Variants in CEP85 observed in about 807,000 individuals in gnomAD.
CEP85 encodes centrosomal protein 85, also known as centrosomal protein of 85 kDa.
In CEP85, 58 loss-of-function variants were observed where a neutral mutation model predicts 93.7. The ratio of observed to expected loss-of-function variants is 0.62; its 90% CI spans 0.50 to 0.77. The LOEUF is 0.77. Ranked by LOEUF, CEP85 falls within the 30% of genes least tolerant of loss-of-function variation. The pLI is 0.00. For synonymous variants in CEP85, 314 were observed against 338.6 expected (o/e 0.93, Z 0.80); for missense variants, 868 against 922.0 (o/e 0.94, Z 0.76).
intron 7 of CEP85, among the ~76,000 whole-genome samples, chr1:26,264,413 A>C (rs2089860071): frequency 6.6e-6 from 1 of 152,160 alleles, no homozygotes; most frequent in Non-Finnish European, 1.5e-5. Flanking sequence ...GGTGCCTGTA[A>C]TCCCAGCTAC....
At position 26,255,601 on chromosome 1, in the gene CEP85, C is replaced by T; in HGVS notation, c.639C>T (p.Ser213=). 1 of 1,614,102 alleles carries T rather than the reference C, an allele frequency of 6.2e-7. No homozygotes were observed. The highest frequency in any genetic ancestry group is 8.5e-7 in the Non-Finnish European group (1 of 1,180,022). Residue 213 remains serine (S), a synonymous_variant, in exon 4 of 14, where the codon AGC becomes AGT. Coordinates refer to ENST00000451429, the MANE Select transcript of CEP85 (RefSeq NM_001319944.2). ...TCCGCTTCCACAACCCAAGAACCAG[C>T]ACAAGTAAGGAGTTGTACAGAGTGT... ...HRVRFHNPRT[S]TSKELYRVLP... is the part of the protein sequence containing the mutation.
intron 7 of CEP85, among the ~76,000 whole-genome samples, chr1:26,264,011 G>A (rs1302089871): frequency 6.6e-6 from 1 of 152,160 alleles, no homozygotes; most frequent in Non-Finnish European, 1.5e-5. Context: ...AGGGACGACT[G>A]TATTTCTGAA....
At position 26,275,139 on chromosome 1, in the gene CEP85, A is replaced by C. The variant is rs953659274; in HGVS notation, c.1902+68A>C. On this transcript the variant is annotated intron_variant, in intron 12 of 13. Transcript: ENST00000451429. The stretch of plus-strand genomic sequence containing the variant: ...CCCGATTTCTTTGTTTGCCCTCCCC[A>C]TCTCTACCCCAATAAGAGCCCCAGT... The C allele has an allele frequency of 3.4e-6, 4 of 1,160,902 alleles. No homozygotes were observed. In the African/African-American group the frequency reaches 4.6e-5, roughly 13 times the overall value. The allele number at this position is 1,160,902 out of a possible 1,614,324, so 71.9% of individuals were successfully genotyped here.
intron 3 of CEP85, among the ~76,000 whole-genome samples, chr1:26,250,997 A>G (rs1002022994): frequency 1.7e-5 from 2 of 119,592 alleles, no homozygotes; most frequent in African/African-American, 6.6e-5. Context: ...GCTGGAGTGC[A>G]GTGGTGGGAT....
intron 3 of CEP85, among the ~76,000 whole-genome samples, chr1:26,253,838 T>G (rs2089655888): frequency 6.6e-6 from 1 of 151,686 alleles, no homozygotes; most frequent in Non-Finnish European, 1.5e-5. Context: ...GCCCATGAGT[T>G]CGAGACCAGT....
intron 7 of CEP85, among the ~76,000 whole-genome samples, chr1:26,267,584 A>G (rs2089911575): frequency 6.6e-6 from 1 of 152,168 alleles, no homozygotes; most frequent in Admixed American, 6.5e-5. Context: ...GGTGGGATAC[A>G]ATTCAGGACC....
chr1:26,275,546 T>C (rs1327765317), intron 12 of CEP85, among the ~76,000 whole-genome samples: 2 of 152,222 alleles, frequency 1.3e-5, no homozygotes, highest in African/African-American at 4.8e-5. Context: ...CCCAAAGTGC[T>C]GGGATTACAG....
intron 12 of CEP85, 96 bp downstream of exon 12, chr1:26,275,167 T>G: frequency 1.1e-6 from 1 of 897,128 alleles, no homozygotes; most frequent in East Asian, 2.7e-5. Context: ...GCCCCAGTGT[T>G]TGAAAGGGAA....
At chr1:26,261,362 C>CCCAGCT (rs1223977287) in intron 7 of CEP85, among the ~76,000 whole-genome samples, 4 of 151,886 alleles carry the variant, frequency 2.6e-5, no homozygotes, top group Non-Finnish European at 5.9e-5. Context: ...ATCCCAGCTA[C>CCCAGCT]TCAGGAGGCT....
At chr1:26,246,321 A>G (rs2089508282) in intron 3 of CEP85, among the ~76,000 whole-genome samples, 1 of 152,210 alleles carries the variant, frequency 6.6e-6, no homozygotes, top group African/African-American at 2.4e-5. Context: ...ATTATTCATG[A>G]TAGTCAAAAG....
intron 7 of CEP85, among the ~76,000 whole-genome samples, chr1:26,267,420 T>C (rs2089908717): frequency 6.6e-6 from 1 of 152,060 alleles, no homozygotes; most frequent in Non-Finnish European, 1.5e-5. Context: ...AAAAATTAGC[T>C]GGGCATGGTG....
intron 3 of CEP85, 129 bp from the exon 4 acceptor site, chr1:26,255,042 C>T: frequency 2.6e-6 from 2 of 755,580 alleles, no homozygotes; most frequent in Non-Finnish European, 4.4e-6. Context: ...TTCTTTCTGC[C>T]TGATACTTTT....
chr1:26,275,116 C>T (rs78676122), intron 12 of CEP85, 45 bp downstream of exon 12: 145 of 1,443,904 alleles, frequency 1.0e-4, no homozygotes, highest in Middle Eastern at 1.8e-4. Flanking sequence ...TCCACAAACC[C>T]GATTTCTTTG....
chr1:26,278,401 GCCT>G lies in CEP85; in HGVS notation c.*1113_*1115del, dbSNP rs1557673601. 2 of 152,678 alleles carry G rather than the reference GCCT, an allele frequency of 1.3e-5. No individual in the cohort carries two copies. Among genetic ancestry groups the G allele is most frequent in the Non-Finnish European group, 2.9e-5 (2 of 68,054 alleles). 9.5% of individuals were successfully genotyped at this position (152,678 alleles called of 1,614,324 possible). ...AGTATCTGGTTGTTGGGCCAGCCGT[GCCT>G]CCTCTAGATCTGGAGCCAGGCCAGG... On this transcript the variant is annotated 3_prime_UTR_variant, in exon 14 of 14. Transcript: ENST00000451429.
intron 3 of CEP85, among the ~76,000 whole-genome samples, chr1:26,252,610 T>C (rs1440541681): frequency 6.6e-6 from 1 of 152,220 alleles, no homozygotes; most frequent in Non-Finnish European, 1.5e-5. Flanking sequence ...TAACCTTGTG[T>C]ACTAGTCCTA....
chr1:26,272,358 A>G (rs2089987761), intron 11 of CEP85: 2 of 407,274 alleles, frequency 4.9e-6, no homozygotes, highest in Non-Finnish European at 9.0e-6. Context: ...TGAACCTACA[A>G]GGATGAGGAG....
chr1:26,256,135 A>G (rs1473176278), intron 4 of CEP85, among the ~76,000 whole-genome samples: 3 of 152,190 alleles, frequency 2.0e-5, no homozygotes, highest in African/African-American at 7.2e-5. Flanking sequence ...ACTTTCACAT[A>G]CAGCATTTTA....
chr1:26,267,804 T>C (rs1330758782), intron 7 of CEP85, among the ~76,000 whole-genome samples: 1 of 152,118 alleles, frequency 6.6e-6, no homozygotes, highest in Non-Finnish European at 1.5e-5. Flanking sequence ...GCCTTCCCCA[T>C]AGTAGATTAG....
intron 8 of CEP85, 21 bp downstream of exon 8, chr1:26,268,656 T>A (rs1469442033): frequency 1.3e-6 from 2 of 1,581,042 alleles, no homozygotes; most frequent in Non-Finnish European, 1.7e-6. Context: ...TGTCTTGGCA[T>A]GCCTGGGGTG....
Sources: gnomAD v4.1 joint callset for allele counts (sites outside exome capture counted in the v4.1 genomes callset) on GRCh38, gnomAD v4.1.1 for gene constraint, MANE v1.5 for transcripts, NCBI Gene and HGNC (gene_info 2026-07-23, HGNC 2026-07-21) for gene names.